PGM3: variants seen among roughly 807,000 people sequenced by gnomAD.
PGM3 encodes phosphoacetylglucosamine mutase.
In PGM3, 40 loss-of-function variants were observed where a neutral mutation model predicts 66.2. The ratio of observed to expected loss-of-function variants is 0.60; its 90% confidence interval spans 0.47 to 0.79. PGM3 has a LOEUF of 0.79. Among genes scored for constraint, PGM3 ranks in the 30% least tolerant of loss-of-function variants. The pLI is 0.00. For synonymous variants in PGM3, 191 were observed against 224.2 expected (o/e 0.85, Z 1.32); for missense variants, 537 against 643.4 (o/e 0.83, Z 1.79).
chr6:83,163,039 A>G, downstream of PGM3: 2 of 1,166,290 alleles, frequency 1.7e-6, no homozygotes, highest in Non-Finnish European at 2.4e-6. Context: ...TTTGAAAACA[A>G]GTCCCCAGTT....
intron 4 of PGM3, among the ~76,000 whole-genome samples, chr6:83,186,250 G>A (rs916278301): frequency 7.2e-5 from 11 of 152,098 alleles, no homozygotes; most frequent in Non-Finnish European, 1.6e-4. Context: ...TCAGGGGTGG[G>A]CTGGGGAGAC....
chr6:83,182,150 A>G (rs1788221559), intron 5 of PGM3, among the ~76,000 whole-genome samples: 1 of 152,238 alleles, frequency 6.6e-6, no homozygotes, highest in Admixed American at 6.5e-5. Context: ...AGTTTTGCTG[A>G]TTGAACAACT....
At chr6:83,157,446 CT>C (rs35346649), downstream of PGM3, 2 of 976,898 alleles carry the variant, frequency 2.0e-6, no homozygotes, top group Non-Finnish European at 3.1e-6. Flanking sequence ...GTTACTGATG[CT>C]TTTTACAGTT....
chr6:83,160,393 G>A (rs898520470), downstream of PGM3, among the ~76,000 whole-genome samples: 4 of 152,232 alleles, frequency 2.6e-5, no homozygotes, highest in South Asian at 2.1e-4. Context: ...GACATGATAC[G>A]TCTGAAGTGT....
rs57879575 is a variant in PGM3, at chr6:83,173,782, G to C, written c.1242+592C>G. 7.4e-3 allele frequency among the ~76,000 whole-genome samples: 1,132 copies of C among 152,216 alleles called. 12 individuals are homozygous for C. Among genetic ancestry groups the C allele is most frequent in the African/African-American group, 0.021 (873 of 41,516 alleles). Reference sequence around the variant, plus strand: ...GACAGAGTCTCGCTCTGTCACCCAGGCTGGAGTGCAGTGGCGTGATCTTGG... The same window carrying C: ...GACAGAGTCTCGCTCTGTCACCCAGCCTGGAGTGCAGTGGCGTGATCTTGG... On this transcript the variant is annotated intron_variant, in intron 10 of 12. Transcript: ENST00000513973.
chr6:83,150,506 G>T, the PGM3 span, among the ~76,000 whole-genome samples: 1 of 152,208 alleles, frequency 6.6e-6, no homozygotes, highest in East Asian at 1.9e-4. Context: ...AGTTATACTA[G>T]AAACTTTATT....
intron 3 of PGM3, 57 bp from the exon 4 acceptor site, chr6:83,187,132 G>T: frequency 9.0e-7 from 1 of 1,115,066 alleles, no homozygotes; most frequent in Non-Finnish European, 1.3e-6. Context: ...CAGGGTTGCT[G>T]GTTCTGCAAG....
At chr6:83,178,150 C>T (rs1437417615) in intron 8 of PGM3, among the ~76,000 whole-genome samples, 1 of 152,232 alleles carries the variant, frequency 6.6e-6, no homozygotes, top group African/African-American at 2.4e-5. Flanking sequence ...CCATTTGTCA[C>T]ACACATAGTT....
chr6:83,188,063 T>C (rs1788717243), intron 3 of PGM3, among the ~76,000 whole-genome samples: 1 of 152,196 alleles, frequency 6.6e-6, no homozygotes, highest in African/African-American at 2.4e-5. Flanking sequence ...TAAAACCAGA[T>C]CTTATGCAAA....
chr6:83,164,047 T>C (rs1485482791), downstream of PGM3, among the ~76,000 whole-genome samples: 1 of 150,014 alleles, frequency 6.7e-6, no homozygotes, highest in Non-Finnish European at 1.5e-5. Flanking sequence ...ATTCAACAAA[T>C]TTCAAAATCA....
downstream of PGM3, chr6:83,162,944 T>C (rs760593662): frequency 5.0e-6 from 8 of 1,604,486 alleles, no homozygotes; most frequent in African/African-American, 9.4e-5. Flanking sequence ...TGTGATTGTT[T>C]TGTTTTACAT....
At chr6:83,162,971 A>C (rs1164085343), downstream of PGM3, 1 of 1,546,510 alleles carries the variant, frequency 6.5e-7, no homozygotes, top group Non-Finnish European at 8.8e-7. Context: ...ATGTTGCATT[A>C]GTGAGGTATT....
chr6:83,157,780 G>T (rs1040226979), downstream of PGM3, among the ~76,000 whole-genome samples: 2 of 152,066 alleles, frequency 1.3e-5, no homozygotes, highest in Admixed American at 1.3e-4. Context: ...CTTTCACAAA[G>T]ATTTTGTAAC....
intron 5 of PGM3, 21 bp from the exon 6 acceptor site, chr6:83,181,952 TG>T: frequency 1.3e-6 from 2 of 1,520,728 alleles, no homozygotes; most frequent in South Asian, 2.5e-5. Flanking sequence ...AAAAGACACA[TG>T]GAAGAAAAAT....
At chr6:83,153,754 T>G in the PGM3 span, 6 of 1,169,314 alleles carry the variant, frequency 5.1e-6, no homozygotes, top group Admixed American at 8.9e-5. Context: ...TTAAAAAAAT[T>G]CATATATTAT....
downstream of PGM3, among the ~76,000 whole-genome samples, chr6:83,161,424 T>C (rs933441693): frequency 2.6e-5 from 4 of 152,174 alleles, no homozygotes; most frequent in Non-Finnish European, 5.9e-5. Flanking sequence ...TGTATATAAA[T>C]TTAAAAGTAT....
At chr6:83,164,632 CTG>C (rs1298203128), downstream of PGM3, 3 of 1,555,290 alleles carry the variant, frequency 1.9e-6, no homozygotes, top group African/African-American at 2.7e-5. Context: ...GGAACAAAGG[CTG>C]TGAGTTCTCC....
chr6:83,163,015 T>TC, downstream of PGM3: 1 of 1,372,268 alleles, frequency 7.3e-7, no homozygotes, highest in Middle Eastern at 1.9e-4. Context: ...GAGAACGTTA[T>TC]CAAGTTGAGC....
At chr6:83,187,951 C>T (rs1788707047) in intron 3 of PGM3, among the ~76,000 whole-genome samples, 1 of 152,156 alleles carries the variant, frequency 6.6e-6, no homozygotes, top group South Asian at 2.1e-4. Context: ...CTGCTACCAT[C>T]GTCGGTATCT....
Sources: allele counts gnomAD v4.1 joint callset (sites outside exome capture counted in the v4.1 genomes callset), GRCh38; gene constraint gnomAD v4.1.1; transcripts MANE v1.5; gene names NCBI Gene and HGNC (gene_info 2026-07-23, HGNC 2026-07-21).